Variants in UNC13C observed in about 807,000 individuals in gnomAD.
UNC13C encodes the protein protein unc-13 homolog C.
A neutral mutation model predicts 245.4 loss-of-function variants in UNC13C; 174 were observed. That is an observed-to-expected ratio of 0.71 (90% CI 0.63 to 0.80). The LOEUF (loss-of-function observed/expected upper bound fraction) is 0.80. Among genes scored for constraint, UNC13C ranks in the 30% least tolerant of loss-of-function variants. The probability of loss-of-function intolerance (pLI) is 0.00; values close to 1 mark genes in which losing one functional copy is unlikely to be tolerated. For missense variants in UNC13C, 2,829 were observed against 2,602.9 expected (o/e 1.09, Z -1.89); for synonymous variants, 992 against 895.1 (o/e 1.11, Z -1.93).
chr15:54,167,382 G>C (rs926006916), intron 4 of UNC13C, among the ~76,000 whole-genome samples: 2 of 150,934 alleles, frequency 1.3e-5, no homozygotes, highest in Middle Eastern at 3.4e-3. Flanking sequence ...GGCGCCTGTA[G>C]TCCCAGCTAC....
At chr15:54,134,164 A>G (rs573890899) in intron 2 of UNC13C, among the ~76,000 whole-genome samples, 3 of 152,062 alleles carry the variant, frequency 2.0e-5, no homozygotes, top group South Asian at 2.1e-4. Context: ...TTAGATCCCC[A>G]GAATTTATTC....
chr15:54,418,443 T>C (rs1399675665), intron 19 of UNC13C, among the ~76,000 whole-genome samples: 2 of 152,100 alleles, frequency 1.3e-5, no homozygotes, highest in African/African-American at 4.8e-5. Context: ...GGTGGACAGA[T>C]GTGTTCTAGG....
rs1273536088 is a variant in UNC13C at position 54,552,585 on chromosome 15, A to G, written c.5878-2847A>G. On this transcript the variant is annotated intron_variant, in intron 28 of 32. Transcript: ENST00000260323. Reference sequence around the variant, plus strand: ...TATATATTATATATAATTATATTATATTGTACAATATATAATATATAATTA... The same window carrying G: ...TATATATTATATATAATTATATTATGTTGTACAATATATAATATATAATTA... Among the ~76,000 whole-genome samples, 4 of 25,542 alleles carry G rather than the reference A, an allele frequency of 1.6e-4. 1 individual carries two copies. Among genetic ancestry groups the G allele is most frequent in the African/African-American group, 5.2e-4 (4 of 7,718 alleles). The allele number at this position is 25,542 out of a possible 152,430, so 16.8% of individuals were successfully genotyped here. A position where few individuals can be genotyped will look rare whatever the true frequency, so the allele number is the denominator to read the frequency against.
At position 53,987,019 on chromosome 15, in the gene UNC13C, A is replaced by T. The variant is rs544652490; in HGVS notation, c.-257+8092A>T. 4.1e-3 allele frequency among the ~76,000 whole-genome samples: 618 copies of T among 152,186 alleles called. 4 individuals carry two copies. The highest frequency in any genetic ancestry group is 5.1e-3 in the Non-Finnish European group (347 of 67,964). On this transcript the variant is annotated intron_variant, in intron 1 of 32. Transcript: ENST00000260323. ...ATATTTACAGGTGAGGATACTACTT[A>T]TAGATTGGCTTACCTTTGTCTGCAA...
intron 4 of UNC13C, among the ~76,000 whole-genome samples, chr15:54,173,058 AT>A (rs1284850633): frequency 6.6e-6 from 1 of 151,806 alleles, no homozygotes; most frequent in Non-Finnish European, 1.5e-5. Flanking sequence ...GGATGAGCCA[AT>A]TTCTGAACTC....
In UNC13C at chr15:54,595,735, G is replaced by T. The variant is rs183234267; in HGVS notation, c.6107-26592G>T. Among the ~76,000 whole-genome samples the T allele has an allele frequency of 1.4e-3, 213 of 152,324 alleles. 1 individual carries two copies. Among genetic ancestry groups the T allele is most frequent in the Non-Finnish European group, 2.3e-3 (155 of 68,024 alleles). On this transcript the variant is annotated intron_variant, in intron 30 of 32. Transcript: ENST00000260323. The stretch of plus-strand genomic sequence containing the variant: ...TTGTGCTAAGAGTGGTTTTAGTGAT[G>T]CAATTGCATGAAAGTTTCTCCAGAA...
At chr15:54,319,761 G>C (rs1775136126) in intron 13 of UNC13C, among the ~76,000 whole-genome samples, 3 of 118,114 alleles carry the variant, frequency 2.5e-5, no homozygotes, top group Admixed American at 2.3e-4. Flanking sequence ...AGATATGAGA[G>C]CAAAATAGGA....
chr15:54,250,415 A>G lies in UNC13C; in HGVS notation c.3419A>G (p.Gln1140Arg), dbSNP rs1226194660. 6.2e-7 allele frequency: 1 copy of G among 1,612,740 alleles called. No individual in the cohort carries two copies. Among genetic ancestry groups the G allele is most frequent in the Non-Finnish European group, 8.5e-7 (1 of 1,179,346 alleles). ...ECGVKCHEKC[Q>R]DLLNADCLQR... ...GGAGTGAAATGCCACGAAAAGTGTC[A>G]GGACCTGCTAAACGCTGACTGCTTG... is the stretch of plus-strand genomic sequence containing the variant. Residue 1140 changes from glutamine to arginine, a missense_variant, in exon 8 of 33, where the codon CAG (glutamine) becomes CGG (arginine). Transcript: ENST00000260323.
At chr15:53,875,948 C>G in the UNC13C span, among the ~76,000 whole-genome samples, 1 of 152,102 alleles carries the variant, frequency 6.6e-6, no homozygotes, top group African/African-American at 2.4e-5. Context: ...GGAAAGGATG[C>G]CAATTCATGT....
intron 2 of UNC13C, among the ~76,000 whole-genome samples, chr15:54,071,633 G>A (rs1048829493): frequency 6.6e-6 from 1 of 151,778 alleles, no homozygotes; most frequent in Non-Finnish European, 1.5e-5. Flanking sequence ...AGCAAGATAA[G>A]AATGGTTCTT....
At chr15:54,482,288 C>G (rs8023499) in intron 19 of UNC13C, among the ~76,000 whole-genome samples, 67,210 of 151,796 alleles carry the variant, frequency 0.44, 15,200 homozygotes, top group East Asian at 0.72. Context: ...TCCAGTGAGG[C>G]CTGGGCTCTC....
At chr15:54,350,544 G>T (rs1419611868) in intron 17 of UNC13C, among the ~76,000 whole-genome samples, 1 of 152,148 alleles carries the variant, frequency 6.6e-6, no homozygotes, top group Non-Finnish European at 1.5e-5. Context: ...GAAAAAAAGA[G>T]TAAGTCTAAA....
chr15:54,089,534 C>T (rs1368830162), intron 2 of UNC13C, among the ~76,000 whole-genome samples: 1 of 152,106 alleles, frequency 6.6e-6, no homozygotes, highest in Non-Finnish European at 1.5e-5. Flanking sequence ...ATCGTATGTG[C>T]ATGTGTGTTC....
rs955832199 is a variant in UNC13C, at chr15:54,442,415, G to T, written c.4933+27348G>T. Among the ~76,000 whole-genome samples, 6 of 151,820 alleles carry T rather than the reference G, an allele frequency of 4.0e-5. 1 individual carries two copies. The highest frequency in any genetic ancestry group is 3.9e-4 in the Admixed American group (6 of 15,202). On this transcript the variant is annotated intron_variant, in intron 19 of 32. Coordinates refer to ENST00000260323, the MANE Select transcript of UNC13C (RefSeq NM_001080534.3). ...TTTTTGTATTTTTGTAGAGACCAGG[G>T]TTTCACAATGTTGGCTAGGCTCGTC...
chr15:54,406,693 T>A (rs1885813983), intron 18 of UNC13C, among the ~76,000 whole-genome samples: 1 of 152,168 alleles, frequency 6.6e-6, no homozygotes, highest in South Asian at 2.1e-4. Flanking sequence ...TTCCACAGTA[T>A]AAAAGCACCA....
At chr15:54,421,896 C>A (rs992222273) in intron 19 of UNC13C, among the ~76,000 whole-genome samples, 2 of 151,986 alleles carry the variant, frequency 1.3e-5, no homozygotes, top group African/African-American at 4.8e-5. Context: ...ATTATGCTAG[C>A]AAGGCTCAAT....
At chr15:54,588,936 T>C (rs1023079861) in intron 30 of UNC13C, among the ~76,000 whole-genome samples, 1 of 152,244 alleles carries the variant, frequency 6.6e-6, no homozygotes, top group Non-Finnish European at 1.5e-5. Context: ...ATTGTGTTGC[T>C]ATAAACATGC....
At chr15:54,489,579 T>C (rs1893601887) in intron 19 of UNC13C, among the ~76,000 whole-genome samples, 1 of 152,040 alleles carries the variant, frequency 6.6e-6, no homozygotes, top group African/African-American at 2.4e-5. Flanking sequence ...AATTAATAAG[T>C]GGGTATTAAG....
In UNC13C at chr15:53,978,483, C is replaced by T. The variant is rs186449439; in HGVS notation, c.-701C>T. Among the ~76,000 whole-genome samples, 1 of 152,300 alleles carries T rather than the reference C, an allele frequency of 6.6e-6. No individual in the cohort carries two copies. Among genetic ancestry groups the T allele is most frequent in the East Asian group, 1.9e-4 (1 of 5,160 alleles). ...AGCCGGCGATGTGTGAAGTTCCCAG[C>T]ACGCACTCAGCCCGGCTGCTCCTCA... is the stretch of plus-strand genomic sequence containing the variant. On this transcript the variant is annotated 5_prime_UTR_variant, in exon 1 of 33. Transcript: ENST00000260323.
Sources: gnomAD v4.1 joint callset for allele counts (sites outside exome capture counted in the v4.1 genomes callset) on GRCh38, gnomAD v4.1.1 for gene constraint, MANE v1.5 for transcripts, NCBI Gene and HGNC (gene_info 2026-07-23, HGNC 2026-07-21) for gene names.